SAMD5: variants seen among roughly 807,000 people sequenced by gnomAD.
SAMD5 encodes sterile alpha motif domain-containing protein 5.
In SAMD5, 13 loss-of-function variants were observed where a neutral mutation model predicts 11.3. The observed-to-expected ratio is 1.15, with a 90% CI of 0.75 to 1.83. The LOEUF (loss-of-function observed/expected upper bound fraction) is 1.83. Ranked by LOEUF, SAMD5 falls within the 40% of genes most tolerant of loss-of-function variation. The pLI, the probability that SAMD5 is intolerant of heterozygous loss-of-function variation, is 0.00. For missense variants in SAMD5, 255 were observed against 239.1 expected (o/e 1.07, Z -0.44); for synonymous variants, 129 against 111.3 (o/e 1.16, Z -1.00).
At chr6:147,665,041 G>A (rs898114367) in intron 1 of SAMD5, among the ~76,000 whole-genome samples, 3 of 152,026 alleles carry the variant, frequency 2.0e-5, no homozygotes, top group African/African-American at 7.3e-5. Context: ...AACTAGAATG[G>A]GCATTTGCTC....
At chr6:147,782,134 G>GAAA in the SAMD5 span, among the ~76,000 whole-genome samples, 2 of 138,698 alleles carry the variant, frequency 1.4e-5, no homozygotes, top group Admixed American at 7.2e-5. Context: ...TTGAGATCAG[G>GAAA]AAAAAAAAAA....
intron 1 of SAMD5, among the ~76,000 whole-genome samples, chr6:147,576,131 A>G (rs1446649378): frequency 1.3e-5 from 2 of 149,564 alleles, no homozygotes; most frequent in Admixed American, 1.4e-4. Context: ...ATTCTGTTAA[A>G]ATATTTTAAA....
At chr6:147,892,430 G>C in the SAMD5 span, among the ~76,000 whole-genome samples, 5 of 152,040 alleles carry the variant, frequency 3.3e-5, no homozygotes, top group Admixed American at 6.5e-5. Flanking sequence ...TTACCATTTT[G>C]GTTTATAAAC....
chr6:147,610,839 G>A lies in SAMD5; in HGVS notation c.162+101452G>A, dbSNP rs111702651. On this transcript the variant is annotated intron_variant, in intron 1 of 1. Transcript: ENST00000566741. The stretch of plus-strand genomic sequence containing the variant: ...TGACCAACTGGAGAGAGATTGATGC[G>A]GATAAAATCAACAGGATTAATAAAA... 2.5e-3 allele frequency among the ~76,000 whole-genome samples: 382 copies of A among 151,330 alleles called. 5 individuals are homozygous for A. Among genetic ancestry groups the A allele is most frequent in the African/African-American group, 8.9e-3 (368 of 41,200 alleles).
intron 1 of SAMD5, among the ~76,000 whole-genome samples, chr6:147,624,351 G>GC (rs1348766593): frequency 6.6e-6 from 1 of 151,378 alleles, no homozygotes; most frequent in Non-Finnish European, 1.5e-5. Flanking sequence ...ATGTGGCAGT[G>GC]CCCCAAAGAA....
intron 1 of SAMD5, among the ~76,000 whole-genome samples, chr6:147,529,940 A>G (rs1788401690): frequency 6.6e-6 from 1 of 152,250 alleles, no homozygotes; most frequent in Admixed American, 6.5e-5. Flanking sequence ...ATAAGAATAA[A>G]GTTAGTAAAA....
In SAMD5 at chr6:147,565,724, C is replaced by T. The variant is rs573041493; in HGVS notation, c.*1268C>T. On this transcript the variant is annotated 3_prime_UTR_variant, in exon 2 of 2. Coordinates refer to ENST00000367474, the MANE Select transcript of SAMD5 (RefSeq NM_001030060.3). ...ATCCACTCGCCGTGGCCTCCAGTAG[C>T]GCTGGGATTACAGGCGTGAGCCATC... 14 of 971,812 alleles carry T rather than the reference C, an allele frequency of 1.4e-5. No individual in the cohort carries two copies. Among genetic ancestry groups the T allele is most frequent in the African/African-American group, 5.3e-5 (3 of 57,032 alleles). 60.2% of individuals were successfully genotyped at this position (971,812 alleles called of 1,614,324 possible). A position where few individuals can be genotyped will look rare whatever the true frequency, so the allele number is the denominator to read the frequency against.
the SAMD5 span, among the ~76,000 whole-genome samples, chr6:147,906,241 C>A: frequency 6.6e-6 from 1 of 152,036 alleles, no homozygotes; most frequent in African/African-American, 2.4e-5. Flanking sequence ...TTCTTTTCTG[C>A]CTTTTGGTGA....
chr6:147,825,467 C>T, the SAMD5 span, among the ~76,000 whole-genome samples: 1 of 152,102 alleles, frequency 6.6e-6, no homozygotes, highest in Non-Finnish European at 1.5e-5. Flanking sequence ...TAATTTGGTT[C>T]TTGGCATATT....
the SAMD5 span, among the ~76,000 whole-genome samples, chr6:147,783,276 A>C: frequency 6.6e-6 from 1 of 152,144 alleles, no homozygotes; most frequent in African/African-American, 2.4e-5. Context: ...TAAAAATATT[A>C]ATGATAATAA....
At chr6:147,670,722 C>T (rs1790783320) in intron 1 of SAMD5, among the ~76,000 whole-genome samples, 5 of 152,160 alleles carry the variant, frequency 3.3e-5, no homozygotes, top group Admixed American at 3.3e-4. Context: ...GAGTTAGAGC[C>T]CTGCTTTGAA....
the SAMD5 span, among the ~76,000 whole-genome samples, chr6:147,826,316 C>G: frequency 1.3e-5 from 2 of 152,182 alleles, no homozygotes; most frequent in African/African-American, 4.8e-5. Context: ...TCTCCGTCCT[C>G]TCCTCATTTG....
At chr6:147,811,940 T>C in the SAMD5 span, among the ~76,000 whole-genome samples, 4 of 151,982 alleles carry the variant, frequency 2.6e-5, no homozygotes, top group African/African-American at 9.7e-5. Context: ...GTGTTTAGGT[T>C]GATATGGTGG....
chr6:147,571,225 A>G (rs1789134117), downstream of SAMD5, among the ~76,000 whole-genome samples: 2 of 152,300 alleles, frequency 1.3e-5, no homozygotes, highest in Non-Finnish European at 2.9e-5. Flanking sequence ...CAGCCCTAAA[A>G]TGTACTTTTT....
intron 1 of SAMD5, among the ~76,000 whole-genome samples, chr6:147,672,432 C>G (rs1562348297): frequency 1.3e-5 from 2 of 152,156 alleles, no homozygotes; most frequent in South Asian, 2.1e-4. Flanking sequence ...TCACTTTGAA[C>G]AGTTCTGCAA....
chr6:147,635,001 GAC>G (rs1247268132), intron 1 of SAMD5, among the ~76,000 whole-genome samples: 2 of 152,178 alleles, frequency 1.3e-5, no homozygotes, highest in Non-Finnish European at 2.9e-5. Flanking sequence ...GCCAAATGGA[GAC>G]ACCCACAGAC....
At chr6:147,838,755 C>A in the SAMD5 span, among the ~76,000 whole-genome samples, 2 of 152,030 alleles carry the variant, frequency 1.3e-5, no homozygotes, top group Non-Finnish European at 2.9e-5. Context: ...GAAGAAGAAA[C>A]CTTATTAAAT....
the SAMD5 span, among the ~76,000 whole-genome samples, chr6:147,816,275 C>T: frequency 2.8e-3 from 156 of 55,556 alleles, 5 homozygotes; most frequent in Non-Finnish European, 7.5e-4. Flanking sequence ...AGTGAAACTC[C>T]GTCTCCAAAA....
At chr6:147,656,880 C>A (rs914086697) in intron 1 of SAMD5, among the ~76,000 whole-genome samples, 3 of 145,966 alleles carry the variant, frequency 2.1e-5, no homozygotes, top group Non-Finnish European at 3.0e-5. Context: ...TAAAGATAAA[C>A]CTCCAACAAT....
Sources: allele counts gnomAD v4.1 joint callset (sites outside exome capture counted in the v4.1 genomes callset), GRCh38; gene constraint gnomAD v4.1.1; transcripts MANE v1.5; gene names NCBI Gene and HGNC (gene_info 2026-07-23, HGNC 2026-07-21).